The following F13A1 variants were observed in gnomAD, a reference collection of about 807,000 sequenced individuals.
F13A1 encodes the protein coagulation factor XIII A chain, also known as FSF, A subunit.
In F13A1, 47 loss-of-function variants were observed where a neutral mutation model predicts 80.1. The observed-to-expected ratio is 0.59, with a 90% CI of 0.46 to 0.75. The LOEUF (loss-of-function observed/expected upper bound fraction) is 0.75, where lower values mean the gene tolerates loss of function less well. Among genes scored for constraint, F13A1 ranks in the 30% least tolerant of loss-of-function variants. The pLI is 0.00. For synonymous variants in F13A1, 349 were observed against 344.9 expected (o/e 1.01, Z -0.13); for missense variants, 817 against 930.4 (o/e 0.88, Z 1.59).
chr6:6,242,499 A>G (rs1322004938), intron 6 of F13A1, among the ~76,000 whole-genome samples: 1 of 152,192 alleles, frequency 6.6e-6, no homozygotes, highest in African/African-American at 2.4e-5. Context: ...AAACACTGAA[A>G]TTTAAAAATA....
At position 6,271,111 on chromosome 6, in the gene F13A1, A is replaced by G. The variant is rs529590342; in HGVS notation, c.320-4302T>C. On this transcript the variant is annotated intron_variant, in intron 3 of 14. Transcript: ENST00000264870. The stretch of plus-strand genomic sequence containing the variant: ...GAGATTAATTCCAAAGGAAGGAAAA[A>G]GAATCCTGATTGGCAGGCTTTTCAT... Among the ~76,000 whole-genome samples, 3 of 152,322 alleles carry G rather than the reference A, an allele frequency of 2.0e-5. No homozygotes were observed. The East Asian group carries it at 5.8e-4, about 29-fold the overall frequency.
At chr6:6,266,948 A>C in intron 3 of F13A1, 139 bp from the exon 4 acceptor site, 1 of 1,251,168 alleles carries the variant, frequency 8.0e-7, no homozygotes, top group Non-Finnish European at 1.1e-6. Flanking sequence ...CAAATCAGGC[A>C]AGTCTGCAAA....
chr6:6,196,727 A>G (rs1232378738), intron 9 of F13A1, among the ~76,000 whole-genome samples: 1 of 152,216 alleles, frequency 6.6e-6, no homozygotes, highest in Non-Finnish European at 1.5e-5. Flanking sequence ...GCTGCTTAGC[A>G]TAGTTGGCAA....
intron 12 of F13A1, among the ~76,000 whole-genome samples, chr6:6,172,509 G>A (rs1240211683): frequency 1.3e-5 from 2 of 150,522 alleles, no homozygotes; most frequent in African/African-American, 2.5e-5. Flanking sequence ...GCAGTGGCAC[G>A]ATCTTGGCTC....
At position 6,250,832 on chromosome 6, in the gene F13A1, G is replaced by C; in HGVS notation, c.669C>G (p.Thr223=). Residue 223 remains threonine, a synonymous_variant, in exon 5 of 15, where the codon ACC becomes ACG. Transcript: ENST00000264870. The surrounding 1 kb of genome is among the most constrained non-coding windows in gnomAD (Gnocchi z 4.2). ...TCACCTGACCATAGCTCCAGCTTCT[G>C]GTCTTGATGTCATTGACCTCTCCAT... ...IFYGEVNDIK[T]RSWSYGQFED... is the part of the protein sequence containing the mutation. The C allele has an allele frequency of 6.2e-7, 1 of 1,612,178 alleles. No individual in the cohort carries two copies. Among genetic ancestry groups the C allele is most frequent in the Non-Finnish European group, 8.5e-7 (1 of 1,178,466 alleles).
chr6:6,184,586 A>C (rs3799558), intron 10 of F13A1, among the ~76,000 whole-genome samples: 96,727 of 152,118 alleles, frequency 0.64, 31,265 homozygotes, highest in East Asian at 0.74. Flanking sequence ...AGAATTCGGG[A>C]ATTCCCTCTG....
At chr6:6,230,623 C>T (rs1757337928) in intron 6 of F13A1, among the ~76,000 whole-genome samples, 1 of 152,196 alleles carries the variant, frequency 6.6e-6, no homozygotes, top group African/African-American at 2.4e-5. Context: ...CACCTCCTGG[C>T]AGGGAGCCAA....
intron 4 of F13A1, among the ~76,000 whole-genome samples, chr6:6,260,615 T>C (rs897198203): frequency 2.6e-5 from 4 of 152,308 alleles, no homozygotes; most frequent in Non-Finnish European, 4.4e-5. Context: ...CGGTTCATCA[T>C]ATCATCCCCT....
chr6:6,273,897 C>T (rs1030466296), intron 3 of F13A1, among the ~76,000 whole-genome samples: 1 of 152,084 alleles, frequency 6.6e-6, no homozygotes, highest in Non-Finnish European at 1.5e-5. Flanking sequence ...AAACAAAATG[C>T]CACCACCAAA....
rs1757201291 is a variant in F13A1 at position 6,221,970 on chromosome 6, G to C, written c.1112+63C>G. The C allele has an allele frequency of 1.3e-6, 2 of 1,572,380 alleles. 1 individual carries two copies. The highest frequency in any genetic ancestry group is 1.7e-6 in the Non-Finnish European group (2 of 1,148,382). On this transcript the variant is annotated intron_variant, in intron 8 of 14. Transcript: ENST00000264870. ...AGAAACATCAGATTGAGTCTATCTT[G>C]TGGTAAATGTGTAACATTACTATAA...
chr6:6,171,025 G>A (rs1305372657), intron 12 of F13A1, among the ~76,000 whole-genome samples: 2 of 152,064 alleles, frequency 1.3e-5, no homozygotes, highest in Non-Finnish European at 2.9e-5. Flanking sequence ...TCCCTAGGTC[G>A]ATGACTGAGA....
At chr6:6,191,335 G>T (rs147612025) in intron 10 of F13A1, among the ~76,000 whole-genome samples, 2 of 152,204 alleles carry the variant, frequency 1.3e-5, no homozygotes, top group South Asian at 2.1e-4. Context: ...CTACATTTAC[G>T]GCTAATTTTT....
intron 11 of F13A1, among the ~76,000 whole-genome samples, 179 bp from the exon 12 acceptor site, chr6:6,175,046 G>T (rs1760857696): frequency 6.6e-6 from 1 of 152,172 alleles, no homozygotes; most frequent in African/African-American, 2.4e-5. Context: ...AAGTCAGATT[G>T]CCAGACAGTC....
chr6:6,252,386 CACAT>C (rs920447167), intron 4 of F13A1, among the ~76,000 whole-genome samples: 2 of 152,166 alleles, frequency 1.3e-5, no homozygotes, highest in Admixed American at 1.3e-4. Context: ...CACACATAAA[CACAT>C]ACATACACAC....
chr6:6,283,312 T>A (rs1758091461), intron 3 of F13A1, among the ~76,000 whole-genome samples: 1 of 152,192 alleles, frequency 6.6e-6, no homozygotes, highest in Admixed American at 6.5e-5. Context: ...CATCTAAATA[T>A]AACATGTGAT....
chr6:6,151,857 G>C lies in F13A1; in HGVS notation c.2001C>G (p.His667Gln). Residue 667 changes from histidine (H) to glutamine (Q), a missense_variant, in exon 14 of 15, where the codon CAC (histidine) becomes CAG (glutamine). By Grantham distance (24) the His-to-Gln change is conservative. Coordinates refer to ENST00000264870, the MANE Select transcript of F13A1 (RefSeq NM_000129.4). ...GTCTTGTTACTCCAGGACCATCCAGGTGTACCCAGACATTTCGCAGGGTTT... is the reference window on the plus strand; with the variant it reads ...GTCTTGTTACTCCAGGACCATCCAGCTGTACCCAGACATTTCGCAGGGTTT... The part of the protein sequence containing the change: ...LKETLRNVWV[H>Q]LDGPGVTRPM... 6.2e-7 allele frequency: 1 copy of C among 1,614,064 alleles called. No homozygotes were observed. Among genetic ancestry groups the C allele is most frequent in the Non-Finnish European group, 8.5e-7 (1 of 1,179,978 alleles).
intron 3 of F13A1, among the ~76,000 whole-genome samples, chr6:6,294,792 G>A (rs1758295436): frequency 6.6e-6 from 1 of 150,608 alleles, no homozygotes; most frequent in African/African-American, 2.5e-5. Flanking sequence ...TGTGCACAAT[G>A]TGCAGGTTAG....
At chr6:6,195,918 T>C in intron 9 of F13A1, 33 bp from the exon 10 acceptor site, 1 of 1,590,822 alleles carries the variant, frequency 6.3e-7, no homozygotes, top group East Asian at 2.2e-5. Context: ...GGTGTGAGTT[T>C]GTCATCTCCA....
At chr6:6,278,816 T>C (rs897505140) in intron 3 of F13A1, among the ~76,000 whole-genome samples, 1 of 152,150 alleles carries the variant, frequency 6.6e-6, no homozygotes, top group Non-Finnish European at 1.5e-5. Context: ...TTTGTAGGAC[T>C]TTGGATCTTA....
Sources: allele counts gnomAD v4.1 joint callset (sites outside exome capture counted in the v4.1 genomes callset), GRCh38; gene constraint gnomAD v4.1.1; non-coding constraint Gnocchi (gnomAD v3.1); transcripts MANE v1.5; gene names NCBI Gene and HGNC (gene_info 2026-07-23, HGNC 2026-07-21).